The following ACACA variants were observed in gnomAD, a reference collection of about 807,000 sequenced individuals.
The protein encoded by ACACA is acetyl-CoA carboxylase alpha.
Under a neutral mutation model 296.1 loss-of-function variants are expected in ACACA, and 103 were observed. The ratio of observed to expected loss-of-function variants is 0.35; its 90% CI spans 0.30 to 0.41. ACACA has a LOEUF of 0.41. Ranked by LOEUF, ACACA falls within the 10% of genes least tolerant of loss-of-function variation. The pLI is 1.00. For synonymous variants in ACACA, 953 were observed against 1,038.6 expected (o/e 0.92, Z 1.58); for missense variants, 1,554 against 2,989.7 (o/e 0.52, Z 11.20).
chr17:37,365,734 A>G (rs927235457), intron 1 of ACACA: 41 of 985,350 alleles, frequency 4.2e-5, no homozygotes, highest in Non-Finnish European at 4.7e-5. Flanking sequence ...CAGGAAGGCC[A>G]CTTCATAAGT....
chr17:37,294,485 G>A (rs975839870), intron 3 of ACACA, among the ~76,000 whole-genome samples: 2 of 152,164 alleles, frequency 1.3e-5, no homozygotes, highest in Non-Finnish European at 2.9e-5. Flanking sequence ...CACAAACGAA[G>A]ATTCAATCGC....
intron 1 of ACACA, among the ~76,000 whole-genome samples, chr17:37,403,181 G>C (rs2051349781): frequency 6.6e-6 from 1 of 152,108 alleles, no homozygotes; most frequent in African/African-American, 2.4e-5. Context: ...GTCATTTCCA[G>C]TCAGAATGCA....
In ACACA at chr17:37,406,406, C is replaced by A. The variant is rs961011605; in HGVS notation, c.-107G>T. ...CCAGGAGCATCTGATTGAAACGCAC[C>A]CTCTTCACCCCTTAAAATCAGTCTG... On this transcript the variant is annotated 5_prime_UTR_variant, in exon 1 of 56. Coordinates refer to ENST00000616317, the MANE Select transcript of ACACA (RefSeq NM_198834.3). The A allele has an allele frequency of 9.3e-6, 11 of 1,186,282 alleles. No homozygotes were observed. The African/African-American group carries it at 1.7e-4, about 18-fold the overall frequency. The allele number at this position is 1,186,282 out of a possible 1,614,324, so 73.5% of individuals were successfully genotyped here.
chr17:37,195,313 A>G (rs905071236), intron 35 of ACACA, among the ~76,000 whole-genome samples: 3 of 152,162 alleles, frequency 2.0e-5, no homozygotes, highest in African/African-American at 7.2e-5. Context: ...ACAAAACAGT[A>G]ATAAAAAATG....
chr17:37,333,759 G>A (rs915920913), intron 2 of ACACA, among the ~76,000 whole-genome samples: 1 of 149,306 alleles, frequency 6.7e-6, no homozygotes, highest in Non-Finnish European at 1.5e-5. Flanking sequence ...CTGCCTTATC[G>A]CCAAGCTCCT....
chr17:37,234,903 G>T, intron 25 of ACACA, 72 bp downstream of exon 25: 1 of 1,550,592 alleles, frequency 6.4e-7, no homozygotes, highest in Non-Finnish European at 8.9e-7. Flanking sequence ...TCTGGCCATA[G>T]CCATCAAAAG....
chr17:37,331,231 C>T lies in ACACA; in HGVS notation c.86-806G>A, dbSNP rs973129653. Among the ~76,000 whole-genome samples the T allele has an allele frequency of 2.0e-5, 3 of 151,184 alleles. No individual in the cohort carries two copies. The South Asian group carries it at 6.3e-4, about 32-fold the overall frequency. On this transcript the variant is annotated intron_variant, in intron 2 of 55. Transcript: ENST00000616317. The stretch of plus-strand genomic sequence containing the variant: ...CTCCCGGGTTCATGCCATTCTCCTG[C>T]CTCAGCCTCCTGAGTACCTGGGACT...
At chr17:37,332,708 TC>T (rs1465383502) in intron 2 of ACACA, among the ~76,000 whole-genome samples, 1 of 151,898 alleles carries the variant, frequency 6.6e-6, no homozygotes, top group African/African-American at 2.4e-5. Flanking sequence ...GGTCAGCAGT[TC>T]AACACCAACC....
At chr17:37,368,039 C>T (rs901674800) in intron 1 of ACACA, among the ~76,000 whole-genome samples, 1 of 152,158 alleles carries the variant, frequency 6.6e-6, no homozygotes, top group African/African-American at 2.4e-5. Context: ...TGCACTCCAG[C>T]CTGGGCAAGA....
At chr17:37,377,892 C>T (rs374933852) in intron 1 of ACACA, 4 of 1,613,376 alleles carry the variant, frequency 2.5e-6, no homozygotes, top group Non-Finnish European at 3.4e-6. Context: ...TCAGAGATAG[C>T]AGTTGCCGAC....
intron 50 of ACACA, among the ~76,000 whole-genome samples, chr17:37,120,544 C>T (rs951003376): frequency 1.4e-4 from 21 of 152,288 alleles, no homozygotes; most frequent in African/African-American, 5.1e-4. Flanking sequence ...GGATTACAGG[C>T]GTGAGCCACC....
At chr17:37,148,909 A>C (rs2075925661) in intron 45 of ACACA, among the ~76,000 whole-genome samples, 1 of 152,202 alleles carries the variant, frequency 6.6e-6, no homozygotes, top group African/African-American at 2.4e-5. Context: ...CATTATTTAA[A>C]GGTTTAAATT....
Position 37,234,103 on chromosome 17 carries a change from T to C in ACACA, c.3246+872A>G, listed in dbSNP as rs184545689. Among the ~76,000 whole-genome samples the C allele has an allele frequency of 2.8e-3, 419 of 152,206 alleles. 1 individual carries two copies. Among genetic ancestry groups the C allele is most frequent in the Non-Finnish European group, 4.8e-3 (328 of 68,018 alleles). ...TTTCCTCCATGAAAAAATGATGTAA[T>C]TAACTTACCAAGAATCCCAATTCCA... On this transcript the variant is annotated intron_variant, in intron 25 of 55. Transcript: ENST00000616317.
chr17:37,220,508 A>G (rs924291133), intron 29 of ACACA, among the ~76,000 whole-genome samples: 3 of 152,214 alleles, frequency 2.0e-5, no homozygotes, highest in East Asian at 1.9e-4. Flanking sequence ...TATGTGTGCC[A>G]TGAGTACTTC....
intron 1 of ACACA, among the ~76,000 whole-genome samples, chr17:37,404,832 C>T (rs2051413838): frequency 6.6e-6 from 1 of 152,110 alleles, no homozygotes; most frequent in Admixed American, 6.6e-5. Context: ...CCTGCCTCGG[C>T]CTCCCAAAGT....
intron 1 of ACACA, among the ~76,000 whole-genome samples, chr17:37,353,483 A>C (rs183133946): frequency 2.6e-5 from 4 of 152,008 alleles, no homozygotes; most frequent in Admixed American, 2.6e-4. Flanking sequence ...TACTAAAAAT[A>C]CAAAAATTAG....
chr17:37,381,955 T>C (rs1379874574), intron 1 of ACACA, among the ~76,000 whole-genome samples: 1 of 152,186 alleles, frequency 6.6e-6, no homozygotes, highest in Non-Finnish European at 1.5e-5. Flanking sequence ...ACTAGCCCCC[T>C]ATTGATATAT....
chr17:37,323,961 G>A (rs1189542401), intron 3 of ACACA, among the ~76,000 whole-genome samples: 2 of 152,196 alleles, frequency 1.3e-5, no homozygotes, highest in Non-Finnish European at 2.9e-5. Flanking sequence ...GATGTCCACT[G>A]GCCGGGCGCC....
chr17:37,231,933 A>G (rs752593172), intron 25 of ACACA, among the ~76,000 whole-genome samples: 4 of 152,256 alleles, frequency 2.6e-5, no homozygotes, highest in Non-Finnish European at 5.9e-5. Flanking sequence ...TTCAAAAAAT[A>G]AATGTACTAT....
Sources: gnomAD v4.1 joint callset for allele counts (sites outside exome capture counted in the v4.1 genomes callset) on GRCh38, gnomAD v4.1.1 for gene constraint, MANE v1.5 for transcripts, NCBI Gene and HGNC (gene_info 2026-07-23, HGNC 2026-07-21) for gene names.